The following TBX19 variants were observed in gnomAD, a reference collection of about 807,000 sequenced individuals.
TBX19 encodes the protein T-box transcription factor 19, also known as T-box transcription factor TBX19.
A neutral mutation model predicts 40.9 loss-of-function variants in TBX19; 33 were observed. The observed-to-expected ratio is 0.81, with a 90% CI of 0.61 to 1.08. The LOEUF (loss-of-function observed/expected upper bound fraction) is 1.08, where lower values mean the gene tolerates loss of function less well. Ranked by LOEUF, TBX19 falls within the 50% of genes least tolerant of loss-of-function variation. The probability of loss-of-function intolerance (pLI) is 0.00; values close to 1 mark genes in which losing one functional copy is unlikely to be tolerated. For missense variants in TBX19, 494 were observed against 574.0 expected (o/e 0.86, Z 1.42); for synonymous variants, 220 against 225.0 (o/e 0.98, Z 0.20).
chr1:168,289,864 A>G (rs1648896301), intron 1 of TBX19, among the ~76,000 whole-genome samples: 1 of 152,222 alleles, frequency 6.6e-6, no homozygotes, highest in Non-Finnish European at 1.5e-5. Flanking sequence ...TAGCAGGCAG[A>G]AACTACTTCT....
At position 168,308,856 on chromosome 1, in the gene TBX19, G is replaced by C; in HGVS notation, c.1031G>C (p.Gly344Ala). 6.2e-7 allele frequency: 1 copy of C among 1,613,974 alleles called. No homozygotes were observed. The change falls in exon 7 of 8, where the codon GGA becomes GCA. Residue 344 changes from glycine (G) to alanine (A), a missense_variant. Gly to Ala is a moderately conservative substitution (Grantham distance 60). Transcript: ENST00000367821. ...ASILSVPHTN[G>A]PINPGPSPYP... ...ATCCTGTCTGTACCCCACACCAACG[G>C]ACCAATCAATCCAGGGCCCAGGTAA...
chr1:168,308,807 TTA>T lies in TBX19; in HGVS notation c.984_985del (p.Leu328PhefsTer145). 6.2e-7 allele frequency: 1 copy of T among 1,614,136 alleles called. No homozygotes were observed. ...CTCGGGACCTGACAGCTGGACTTCC[TTA>T]TCCTCCACACCCCATGCCAGCATCC... ...VFSGPDSWTS[L>X]SSTPHASILS... On this transcript the variant is annotated frameshift_variant, in exon 7 of 8. Coordinates refer to ENST00000367821, the MANE Select transcript of TBX19 (RefSeq NM_005149.3). LOFTEE classifies it high-confidence loss of function.
At chr1:168,296,216 C>T (rs953613837) in intron 3 of TBX19, among the ~76,000 whole-genome samples, 1 of 152,166 alleles carries the variant, frequency 6.6e-6, no homozygotes, top group East Asian at 1.9e-4. Flanking sequence ...AAGAGAAAGA[C>T]CAGGTTGTAC....
At chr1:168,297,655 A>C (rs1481826220) in intron 3 of TBX19, 69 bp from the exon 4 acceptor site, 1 of 1,412,634 alleles carries the variant, frequency 7.1e-7, no homozygotes, top group Non-Finnish European at 1.0e-6. Flanking sequence ...GTTTTACAGA[A>C]GACAAAGGGT....
Position 168,281,199 on chromosome 1 carries a change from A to G in TBX19, c.109A>G (p.Thr37Ala). ...GGCAGGGAGGGAAAAAGGCGACCCT[A>G]CGGAGAAGCAACTTCAGATCATCCT... is the stretch of plus-strand genomic sequence containing the variant. ...LQAGREKGDP[T>A]EKQLQIILED... The change falls in exon 1 of 8, where the codon ACG becomes GCG. Residue 37 changes from threonine (T) to alanine (A), a missense_variant. By Grantham distance (58) the Thr-to-Ala change is moderately conservative. Around this residue, in one of 3 missense-constraint regions of TBX19, gnomAD observed 201 missense variants for 235.2 expected, o/e 0.85. Transcript: ENST00000367821. 1 of 1,614,152 alleles carries G rather than the reference A, an allele frequency of 6.2e-7. No homozygotes were observed. The highest frequency in any genetic ancestry group is 8.5e-7 in the Non-Finnish European group (1 of 1,179,998).
At chr1:168,296,322 C>T (rs1649103437) in intron 3 of TBX19, among the ~76,000 whole-genome samples, 2 of 152,104 alleles carry the variant, frequency 1.3e-5, no homozygotes, top group African/African-American at 2.4e-5. Context: ...CCCATTTTCA[C>T]GCTGCTAATA....
At chr1:168,283,858 A>T (rs1648735656) in intron 1 of TBX19, among the ~76,000 whole-genome samples, 1 of 152,198 alleles carries the variant, frequency 6.6e-6, no homozygotes, top group Non-Finnish European at 1.5e-5. Flanking sequence ...TATACACTTG[A>T]GGTCTCATTG....
At chr1:168,288,284 T>G (rs1648853000) in intron 1 of TBX19, among the ~76,000 whole-genome samples, 1 of 152,230 alleles carries the variant, frequency 6.6e-6, no homozygotes, top group Non-Finnish European at 1.5e-5. Context: ...ATTTTTTTTT[T>G]GTATTATTTT....
At chr1:168,291,507 C>G in intron 2 of TBX19, 83 bp downstream of exon 2, 2 of 1,590,354 alleles carry the variant, frequency 1.3e-6, no homozygotes, top group South Asian at 1.1e-5. Flanking sequence ...TGCATTTAGG[C>G]AATTAGAGGT....
chr1:168,291,070 GTGGAAGGTC>G lies in TBX19; in HGVS notation c.204-88_204-80del, dbSNP rs1648926849. 1.3e-5 allele frequency: 20 copies of G among 1,577,770 alleles called. No individual in the cohort carries two copies. The South Asian group carries it at 2.1e-4, about 17-fold the overall frequency. On this transcript the variant is annotated intron_variant, in intron 1 of 7. Transcript: ENST00000367821. ...ATTTGGCCTCCTCACAGGGCATTCCGTGGAAGGTCTCAGTATTGAGAGGCCCCTGGACAA... is the reference window on the plus strand; with the variant it reads ...ATTTGGCCTCCTCACAGGGCATTCCGTCAGTATTGAGAGGCCCCTGGACAA...
At chr1:168,304,967 T>C in intron 5 of TBX19, 41 bp from the exon 6 acceptor site, 1 of 1,603,360 alleles carries the variant, frequency 6.2e-7, no homozygotes, top group African/African-American at 1.3e-5. Context: ...GTGTGGGAGT[T>C]CACAGACTCA....
intron 5 of TBX19, among the ~76,000 whole-genome samples, chr1:168,303,152 A>C (rs1042096781): frequency 6.6e-6 from 1 of 152,012 alleles, no homozygotes; most frequent in Non-Finnish European, 1.5e-5. Context: ...TTAACTCGTC[A>C]TTTACATTAG....
chr1:168,287,878 TA>T (rs1241050307), intron 1 of TBX19, among the ~76,000 whole-genome samples: 4 of 137,130 alleles, frequency 2.9e-5, no homozygotes, highest in African/African-American at 1.1e-4. Context: ...GAGAAGCTAA[TA>T]AGAAAGGAAA....
intron 4 of TBX19, 79 bp downstream of exon 4, chr1:168,297,864 AAGGAACTAGACT>A: frequency 7.9e-7 from 1 of 1,272,866 alleles, no homozygotes; most frequent in Non-Finnish European, 1.1e-6. Flanking sequence ...ATTATCTTGA[AAGGAACTAGACT>A]AGTAGCACTT....
At position 168,309,020 on chromosome 1, in the gene TBX19, A is replaced by C. The variant is rs1367260555; in HGVS notation, c.1052+143A>C. On this transcript the variant is annotated intron_variant, in intron 7 of 7. Coordinates refer to ENST00000367821, the MANE Select transcript of TBX19 (RefSeq NM_005149.3). Reference sequence around the variant, plus strand: ...TAAAACACTAAGAAGTCAAGGTGGCAACAGGGTGGAGTTCTTTCATAAGGG... The same window carrying C: ...TAAAACACTAAGAAGTCAAGGTGGCCACAGGGTGGAGTTCTTTCATAAGGG... 5 of 1,175,150 alleles carry C rather than the reference A, an allele frequency of 4.3e-6. No individual in the cohort carries two copies. The Admixed American group carries it at 7.6e-5, about 18-fold the overall frequency. The allele number at this position is 1,175,150 out of a possible 1,614,324, so 72.8% of individuals were successfully genotyped here.
intron 6 of TBX19, among the ~76,000 whole-genome samples, chr1:168,305,556 G>A (rs1436976736): frequency 6.6e-6 from 1 of 152,120 alleles, no homozygotes; most frequent in Non-Finnish European, 1.5e-5. Context: ...CCTTCGCATG[G>A]CTCTTTTCTA....
chr1:168,287,393 G>A (rs1648830072), intron 1 of TBX19, among the ~76,000 whole-genome samples: 1 of 152,134 alleles, frequency 6.6e-6, no homozygotes, highest in Admixed American at 6.5e-5. Flanking sequence ...GGCTAAAGTA[G>A]CTTCTCATCC....
intron 3 of TBX19, among the ~76,000 whole-genome samples, chr1:168,293,552 T>C (rs1189069750): frequency 2.0e-5 from 3 of 152,126 alleles, no homozygotes; most frequent in African/African-American, 7.2e-5. Flanking sequence ...CTGTTGAAAC[T>C]CTGGAGTCTT....
At chr1:168,310,888 TATG>T (rs1438767264) in intron 7 of TBX19, among the ~76,000 whole-genome samples, 1 of 147,868 alleles carries the variant, frequency 6.8e-6, no homozygotes, top group Non-Finnish European at 1.5e-5. Flanking sequence ...ATGTAAATAT[TATG>T]ATGTAAATAT....
Sources: gnomAD v4.1 joint callset for allele counts (sites outside exome capture counted in the v4.1 genomes callset) on GRCh38, gnomAD v4.1.1 for gene constraint, gnomAD v4.1.1 regional missense constraint, MANE v1.5 for transcripts, NCBI Gene and HGNC (gene_info 2026-07-23, HGNC 2026-07-21) for gene names.